The following RSRC1 variants were observed in gnomAD, a reference collection of about 807,000 sequenced individuals.
RSRC1 encodes the protein serine/Arginine-related protein 53.
Under a neutral mutation model 49.1 loss-of-function variants are expected in RSRC1, and 39 were observed. That is an observed-to-expected ratio of 0.79 (90% CI 0.61 to 1.04). RSRC1 has a LOEUF of 1.04. Among genes scored for constraint, RSRC1 ranks in the 50% least tolerant of loss-of-function variants. The pLI is 0.00. For synonymous variants in RSRC1, 143 were observed against 130.8 expected (o/e 1.09, Z -0.63); for missense variants, 388 against 402.4 (o/e 0.96, Z 0.31).
At chr3:158,114,622 C>A (rs1451896976) in intron 1 of RSRC1, among the ~76,000 whole-genome samples, 1 of 152,114 alleles carries the variant, frequency 6.6e-6, no homozygotes, top group African/African-American at 2.4e-5. Flanking sequence ...TTGATTCTTC[C>A]TATCTGTGAG....
intron 4 of RSRC1, among the ~76,000 whole-genome samples, chr3:158,285,193 CA>C (rs1726444409): frequency 6.6e-6 from 1 of 152,090 alleles, no homozygotes; most frequent in South Asian, 2.1e-4. Flanking sequence ...TGTCAAAGAT[CA>C]GATAGTTGTA....
intron 5 of RSRC1, among the ~76,000 whole-genome samples, chr3:158,327,254 G>A (rs911178800): frequency 6.6e-6 from 1 of 152,056 alleles, no homozygotes; most frequent in Non-Finnish European, 1.5e-5. Context: ...TCTGATCTTG[G>A]TTATTTCTTG....
intron 4 of RSRC1, among the ~76,000 whole-genome samples, chr3:158,272,100 T>C (rs989456673): frequency 6.6e-6 from 1 of 152,170 alleles, no homozygotes; most frequent in African/African-American, 2.4e-5. Context: ...ACACTGATGT[T>C]TCAAAATATC....
intron 7 of RSRC1, among the ~76,000 whole-genome samples, chr3:158,464,113 A>G (rs1264258516): frequency 6.6e-6 from 1 of 152,148 alleles, no homozygotes; most frequent in East Asian, 1.9e-4. Flanking sequence ...TTAATAAATA[A>G]TTGACTTACT....
intron 6 of RSRC1, among the ~76,000 whole-genome samples, chr3:158,451,636 TATC>T (rs1432312298): frequency 1.3e-5 from 2 of 152,104 alleles, no homozygotes; most frequent in Non-Finnish European, 2.9e-5. Context: ...CTTTGTTTAT[TATC>T]TCAAAACACA....
At chr3:158,124,061 C>T in intron 3 of RSRC1, 70 bp downstream of exon 3, 1 of 1,111,392 alleles carries the variant, frequency 9.0e-7, no homozygotes, top group Non-Finnish European at 1.2e-6. Flanking sequence ...AAGCAACAAT[C>T]ATTTATTTTC....
intron 3 of RSRC1, among the ~76,000 whole-genome samples, chr3:158,135,452 G>C (rs369044196): frequency 8.9e-5 from 12 of 134,150 alleles, no homozygotes; most frequent in African/African-American, 3.2e-4. Flanking sequence ...TTTTTTTTTT[G>C]AATTTTTAGT....
chr3:158,211,534 G>A (rs1156793284), intron 4 of RSRC1, among the ~76,000 whole-genome samples: 1 of 151,836 alleles, frequency 6.6e-6, no homozygotes, highest in Non-Finnish European at 1.5e-5. Flanking sequence ...AAATTCATTT[G>A]CCTGTTTATA....
intron 3 of RSRC1, among the ~76,000 whole-genome samples, chr3:158,189,848 A>G (rs1223630299): frequency 6.7e-6 from 1 of 149,636 alleles, no homozygotes; most frequent in African/African-American, 2.5e-5. Context: ...ATTTTATTTC[A>G]TTTTCTTCTC....
chr3:158,389,009 G>A (rs187831602), intron 6 of RSRC1, among the ~76,000 whole-genome samples: 1 of 152,118 alleles, frequency 6.6e-6, no homozygotes, highest in Non-Finnish European at 1.5e-5. Context: ...TTAAATGATT[G>A]TAAAAATGTT....
intron 3 of RSRC1, among the ~76,000 whole-genome samples, chr3:158,194,375 T>C (rs1353226168): frequency 1.3e-5 from 2 of 152,006 alleles, no homozygotes; most frequent in Non-Finnish European, 2.9e-5. Context: ...AATTTCTTTT[T>C]TTTAAATATA....
intron 4 of RSRC1, among the ~76,000 whole-genome samples, chr3:158,274,625 T>C (rs1180194118): frequency 6.6e-6 from 1 of 152,176 alleles, no homozygotes; most frequent in African/African-American, 2.4e-5. Flanking sequence ...GAATTGAGAA[T>C]TGGACAATTC....
chr3:158,150,214 T>G (rs1717436126), intron 3 of RSRC1, among the ~76,000 whole-genome samples: 1 of 152,224 alleles, frequency 6.6e-6, no homozygotes, highest in Admixed American at 6.5e-5. Context: ...CTGAAAGTTT[T>G]TAATTGAATC....
intron 2 of RSRC1, among the ~76,000 whole-genome samples, chr3:158,123,366 G>A (rs1000540754): frequency 3.9e-5 from 6 of 152,024 alleles, no homozygotes; most frequent in African/African-American, 9.7e-5. Context: ...GGAGTGCAGC[G>A]GTGCAGTCAT....
intron 4 of RSRC1, among the ~76,000 whole-genome samples, chr3:158,253,950 G>A (rs2108018787): frequency 6.6e-6 from 1 of 152,206 alleles, no homozygotes; most frequent in African/African-American, 2.4e-5. Context: ...GGTGTGTGAT[G>A]TTCCCCGCCC....
At chr3:158,120,601 T>C (rs942225868) in intron 1 of RSRC1, among the ~76,000 whole-genome samples, 1 of 147,260 alleles carries the variant, frequency 6.8e-6, no homozygotes, top group African/African-American at 2.5e-5. Context: ...AAGTATTATA[T>C]AGTTAATATT....
chr3:158,124,348 G>A (rs1048606665), intron 3 of RSRC1, among the ~76,000 whole-genome samples: 6 of 152,104 alleles, frequency 3.9e-5, no homozygotes, highest in East Asian at 1.9e-4. Context: ...GGATTTTTGC[G>A]TCAGTATTCA....
chr3:158,436,778 C>A (rs1736064398), intron 6 of RSRC1, among the ~76,000 whole-genome samples: 1 of 151,134 alleles, frequency 6.6e-6, no homozygotes, highest in Non-Finnish European at 1.5e-5. Flanking sequence ...AATATGCTAC[C>A]CTGGGCTATA....
intron 4 of RSRC1, among the ~76,000 whole-genome samples, chr3:158,240,397 G>T (rs1723502607): frequency 6.6e-6 from 1 of 151,840 alleles, no homozygotes; most frequent in African/African-American, 2.4e-5. Context: ...TGAAATTTTT[G>T]TAGTTTTTAA....
Sources: allele counts gnomAD v4.1 joint callset (sites outside exome capture counted in the v4.1 genomes callset), GRCh38; gene constraint gnomAD v4.1.1; transcripts MANE v1.5; gene names NCBI Gene and HGNC (gene_info 2026-07-23, HGNC 2026-07-21).